The following STARD13 variants were observed in gnomAD, a reference collection of about 807,000 sequenced individuals.
STARD13 encodes stAR-related lipid transfer protein 13.
A neutral mutation model predicts 106.4 loss-of-function variants in STARD13; 62 were observed. The observed-to-expected ratio is 0.58, with a 90% CI of 0.48 to 0.72. The LOEUF (loss-of-function observed/expected upper bound fraction) is 0.72, where lower values mean the gene tolerates loss of function less well. STARD13 is among the 30% of genes least tolerant of loss of function. The pLI is 0.00. For missense variants in STARD13, 1,387 were observed against 1,424.0 expected (o/e 0.97, Z 0.42); for synonymous variants, 565 against 553.0 (o/e 1.02, Z -0.31).
the STARD13 span, among the ~76,000 whole-genome samples, chr13:33,361,996 T>C: frequency 6.6e-6 from 1 of 152,234 alleles, no homozygotes. Flanking sequence ...TTTGTTGTAA[T>C]TATTTTTATA....
At chr13:33,527,407 T>G in the STARD13 span, among the ~76,000 whole-genome samples, 1 of 152,106 alleles carries the variant, frequency 6.6e-6, no homozygotes, top group East Asian at 1.9e-4. Flanking sequence ...ACTTTACTAA[T>G]GTAATAAACA....
chr13:33,658,757 T>C, the STARD13 span, among the ~76,000 whole-genome samples: 2 of 151,958 alleles, frequency 1.3e-5, no homozygotes, highest in African/African-American at 4.8e-5. Flanking sequence ...AGCTCCCAGG[T>C]AGTTTCAGGA....
At chr13:33,457,825 C>G in the STARD13 span, among the ~76,000 whole-genome samples, 2 of 152,308 alleles carry the variant, frequency 1.3e-5, no homozygotes, top group African/African-American at 4.8e-5. Context: ...GCCCCCACCT[C>G]CTAATACCAT....
At chr13:33,357,211 A>T in the STARD13 span, among the ~76,000 whole-genome samples, 1 of 152,220 alleles carries the variant, frequency 6.6e-6, no homozygotes, top group Non-Finnish European at 1.5e-5. Flanking sequence ...ACATAAATCA[A>T]GGCTGATTAA....
the STARD13 span, among the ~76,000 whole-genome samples, chr13:33,434,352 C>T: frequency 1.4e-5 from 1 of 70,324 alleles, no homozygotes; most frequent in Non-Finnish European, 2.5e-5. Flanking sequence ...GACTCTGTCT[C>T]AAAAAAAAAA....
At position 33,118,214 on chromosome 13, in the gene STARD13, C is replaced by G. The variant is rs781620333; in HGVS notation, c.2132G>C (p.Arg711Pro). 1.2e-6 allele frequency: 2 copies of G among 1,614,098 alleles called. No individual in the cohort carries two copies. The highest frequency in any genetic ancestry group is 1.7e-6 in the Non-Finnish European group (2 of 1,180,010). Reference sequence around the variant, plus strand: ...CTCAGGGAAGTTTTCATTCATTTGGCGAAGGGCATGGATTCGAGACTTCAC... The same window carrying G: ...CTCAGGGAAGTTTTCATTCATTTGGGGAAGGGCATGGATTCGAGACTTCAC... ...SGVKSRIHAL[R>P]QMNENFPENV... The change falls in exon 8 of 14, where the codon CGC (arginine) becomes CCC (proline). Residue 711 changes from arginine to proline, a missense_variant. Coordinates refer to ENST00000336934, the MANE Select transcript of STARD13 (RefSeq NM_178006.4).
At chr13:33,430,878 A>G in the STARD13 span, among the ~76,000 whole-genome samples, 1 of 152,204 alleles carries the variant, frequency 6.6e-6, no homozygotes, top group Non-Finnish European at 1.5e-5. Flanking sequence ...TCTTATGAAG[A>G]CAGAATAGAC....
At position 33,167,542 on chromosome 13, in the gene STARD13, C is replaced by T. The variant is rs1883466310; in HGVS notation, c.241+9G>A. On this transcript the variant is annotated intron_variant, in intron 2 of 13. Transcript: ENST00000336934. The stretch of plus-strand genomic sequence containing the variant: ...CTCTGTGTAAGAGCGAAGCGAAGGG[C>T]TGACGTACCCTCATATAACTGAGCG... 1.9e-6 allele frequency: 3 copies of T among 1,613,964 alleles called. No homozygotes were observed. Among genetic ancestry groups the T allele is most frequent in the Non-Finnish European group, 1.7e-6 (2 of 1,179,826 alleles).
chr13:33,200,740 G>A (rs181364895), intron 1 of STARD13, among the ~76,000 whole-genome samples: 16 of 152,292 alleles, frequency 1.1e-4, no homozygotes, highest in African/African-American at 3.9e-4. Flanking sequence ...ATGCTTAAAG[G>A]GCCGGGCATG....
intron 1 of STARD13, among the ~76,000 whole-genome samples, chr13:33,178,011 AAAGG>A (rs1188701987): frequency 0.046 from 995 of 21,446 alleles, 194 homozygotes; most frequent in African/African-American, 0.072. Context: ...GGAAGGAAGG[AAAGG>A]AAGGAAGGAA....
At chr13:33,480,545 C>T in the STARD13 span, among the ~76,000 whole-genome samples, 1 of 152,006 alleles carries the variant, frequency 6.6e-6, no homozygotes, top group Admixed American at 6.6e-5. Context: ...TCTACCATCC[C>T]TAGTGTTTTT....
chr13:33,125,567 T>C (rs189574515), intron 7 of STARD13, among the ~76,000 whole-genome samples: 90 of 152,318 alleles, frequency 5.9e-4, no homozygotes, highest in Non-Finnish European at 7.6e-4. Context: ...GCTGATACTT[T>C]TGTTCATATT....
At chr13:33,580,534 G>A in the STARD13 span, among the ~76,000 whole-genome samples, 12 of 152,162 alleles carry the variant, frequency 7.9e-5, no homozygotes, top group Non-Finnish European at 1.6e-4. Flanking sequence ...ACCTTAATAT[G>A]AACTATGGAC....
chr13:33,381,352 A>C, the STARD13 span, among the ~76,000 whole-genome samples: 1 of 152,354 alleles, frequency 6.6e-6, no homozygotes, highest in Non-Finnish European at 1.5e-5. Context: ...ATAGGCAATA[A>C]GGGTGTGACC....
the STARD13 span, among the ~76,000 whole-genome samples, chr13:33,448,295 C>G: frequency 6.6e-6 from 1 of 152,130 alleles, no homozygotes; most frequent in African/African-American, 2.4e-5. Flanking sequence ...CTGGTAACCA[C>G]TATTCTACTC....
the STARD13 span, among the ~76,000 whole-genome samples, chr13:33,642,856 A>C: frequency 2.0e-5 from 3 of 150,446 alleles, no homozygotes; most frequent in Non-Finnish European, 4.4e-5. Context: ...AAAAAAAAAA[A>C]AACCTCCCTA....
chr13:33,418,088 G>A, the STARD13 span, among the ~76,000 whole-genome samples: 1 of 152,082 alleles, frequency 6.6e-6, no homozygotes, highest in Admixed American at 6.5e-5. Context: ...GGTACTGGTT[G>A]GACAGTGGGT....
At chr13:33,466,817 A>C in the STARD13 span, among the ~76,000 whole-genome samples, 3 of 152,370 alleles carry the variant, frequency 2.0e-5, no homozygotes, top group Admixed American at 6.5e-5. Flanking sequence ...AAAAAGCAAC[A>C]TGAATACAAA....
chr13:33,108,857 T>C (rs1301130993), intron 12 of STARD13, among the ~76,000 whole-genome samples: 3 of 152,234 alleles, frequency 2.0e-5, no homozygotes, highest in African/African-American at 7.2e-5. Context: ...TTCCACCAGA[T>C]GACTAATGTC....
Sources: gnomAD v4.1 joint callset for allele counts (sites outside exome capture counted in the v4.1 genomes callset) on GRCh38, gnomAD v4.1.1 for gene constraint, MANE v1.5 for transcripts, NCBI Gene and HGNC (gene_info 2026-07-23, HGNC 2026-07-21) for gene names.